Variants in DNAH11 observed in about 807,000 individuals in gnomAD.
DNAH11 encodes the protein dynein axonemal heavy chain 11.
In DNAH11, 442 loss-of-function variants were observed where a neutral mutation model predicts 526.0. The ratio of observed to expected loss-of-function variants is 0.84; its 90% CI spans 0.78 to 0.91. The LOEUF is 0.91. Ranked by LOEUF, DNAH11 falls within the 40% of genes least tolerant of loss-of-function variation. The pLI is 0.00. For synonymous variants in DNAH11, 2,461 were observed against 1,935.9 expected, an observed-to-expected ratio of 1.27 and a Z score of -7.12; for missense variants, 6,989 against 5,448.7, an observed-to-expected ratio of 1.28 and a Z score of -8.90.
rs71557520 is a variant in DNAH11 at position 21,765,610 on chromosome 7, T to TCAGACACACACACACA, written c.9102+23_9102+24insGACACACACACACACA. On this transcript the variant is annotated intron_variant, in intron 55 of 81. Transcript: ENST00000409508. ...TTGAGGTATGCCGTGTCAGCCTGCGTCACACACACACACACACACACACAC... is the reference window on the plus strand; with the variant it reads ...TTGAGGTATGCCGTGTCAGCCTGCGTCAGACACACACACACACACACACACACACACACACACACAC... 2.2e-5 allele frequency: 21 copies of TCAGACACACACACACA among 956,506 alleles called. No homozygotes were observed. The African/African-American group carries it at 3.2e-4, about 14-fold the overall frequency. The allele number at this position is 956,506 out of a possible 1,614,324, so 59.3% of individuals were successfully genotyped here. A position where few individuals can be genotyped will look rare whatever the true frequency, so the allele number is the denominator to read the frequency against.
At chr7:21,745,111 G>C in intron 51 of DNAH11, 48 bp downstream of exon 51, 1 of 1,543,734 alleles carries the variant, frequency 6.5e-7, no homozygotes, top group Non-Finnish European at 8.8e-7. Context: ...AGAATGGCTG[G>C]ATATCCACTA....
chr7:21,616,147 T>C, intron 21 of DNAH11, 62 bp from the exon 22 acceptor site: 1 of 1,227,396 alleles, frequency 8.1e-7, no homozygotes, highest in African/African-American at 1.5e-5. Context: ...TTATATATTT[T>C]GCTGCAGAGA....
chr7:21,689,636 C>G (rs995805116), intron 34 of DNAH11, among the ~76,000 whole-genome samples: 1 of 152,216 alleles, frequency 6.6e-6, no homozygotes. Flanking sequence ...AGCCTGTCTG[C>G]CTTCCCTAGC....
chr7:21,553,841 A>G (rs1480481012), intron 2 of DNAH11, among the ~76,000 whole-genome samples: 2 of 151,942 alleles, frequency 1.3e-5, no homozygotes, highest in Admixed American at 6.6e-5. Context: ...CTCTCTCCCT[A>G]CAAAGACCTT....
chr7:21,687,311 T>G (rs1562490491), intron 33 of DNAH11, 56 bp downstream of exon 33: 6 of 1,557,530 alleles, frequency 3.9e-6, no homozygotes, highest in Non-Finnish European at 5.2e-6. Flanking sequence ...TATTCCTGAT[T>G]GGGAATTATT....
intron 9 of DNAH11, among the ~76,000 whole-genome samples, chr7:21,585,888 A>G (rs575598038): frequency 6.6e-6 from 1 of 152,238 alleles, no homozygotes; most frequent in Admixed American, 6.5e-5. Flanking sequence ...AAAGAGAAGC[A>G]TGTGGTGGGA....
chr7:21,659,561 A>C (rs1782157595), intron 30 of DNAH11, among the ~76,000 whole-genome samples: 1 of 151,986 alleles, frequency 6.6e-6, no homozygotes, highest in Admixed American at 6.6e-5. Flanking sequence ...AACAGTTCAG[A>C]GATGTAGTCT....
intron 73 of DNAH11, among the ~76,000 whole-genome samples, chr7:21,869,885 A>G (rs1161497315): frequency 6.6e-6 from 1 of 152,176 alleles, no homozygotes; most frequent in Non-Finnish European, 1.5e-5. Context: ...GCTGAGTATT[A>G]CAAGAACCAG....
At position 21,901,157 on chromosome 7, in the gene DNAH11, T is replaced by C. The variant is rs1562614615; in HGVS notation, c.13454T>C (p.Leu4485Pro). The C allele has an allele frequency of 6.2e-7, 1 of 1,613,800 alleles. No individual in the cohort carries two copies. The highest frequency in any genetic ancestry group is 8.5e-7 in the Non-Finnish European group (1 of 1,179,822). Residue 4485 changes from leucine to proline, a missense_variant, in exon 82 of 82, where the codon CTG (leucine) becomes CCG (proline). Transcript: ENST00000409508. ...TYECPVYRTK[L>P]RGPSYIWTFR... ...GAGTGCCCTGTGTATAGAACCAAAC[T>C]GAGAGGCCCCAGCTACATCTGGACC...
chr7:21,575,956 G>C (rs1421215587), intron 8 of DNAH11, among the ~76,000 whole-genome samples: 1 of 152,084 alleles, frequency 6.6e-6, no homozygotes, highest in African/African-American at 2.4e-5. Context: ...ATGTCATTTA[G>C]TAGATATCAT....
intron 49 of DNAH11, 55 bp downstream of exon 49, chr7:21,742,221 A>G (rs1286071860): frequency 3.9e-5 from 61 of 1,569,506 alleles, no homozygotes; most frequent in East Asian, 2.2e-4. Context: ...TGATAATACT[A>G]TGTATTAGCC....
At chr7:21,823,665 A>G (rs1340914480) in intron 65 of DNAH11, among the ~76,000 whole-genome samples, 2 of 152,302 alleles carry the variant, frequency 1.3e-5, no homozygotes, top group South Asian at 2.1e-4. Context: ...CATATACTAT[A>G]TGCCTTTAAA....
intron 40 of DNAH11, among the ~76,000 whole-genome samples, chr7:21,708,669 C>T (rs1284934129): frequency 6.6e-6 from 1 of 152,268 alleles, no homozygotes; most frequent in East Asian, 1.9e-4. Context: ...CATTTCCCAC[C>T]ACTTACTATA....
intron 44 of DNAH11, among the ~76,000 whole-genome samples, chr7:21,725,091 A>G (rs908424189): frequency 2.6e-5 from 4 of 152,196 alleles, no homozygotes; most frequent in African/African-American, 4.8e-5. Flanking sequence ...TTATATCTAT[A>G]CTGATATTAA....
At chr7:21,685,365 C>T (rs1783329345) in intron 32 of DNAH11, among the ~76,000 whole-genome samples, 1 of 152,092 alleles carries the variant, frequency 6.6e-6, no homozygotes, top group African/African-American at 2.4e-5. Flanking sequence ...TATGTGAGGC[C>T]TGATAGTTTA....
At chr7:21,718,304 G>T (rs1583623824) in intron 43 of DNAH11, among the ~76,000 whole-genome samples, 1 of 152,082 alleles carries the variant, frequency 6.6e-6, no homozygotes, top group African/African-American at 2.4e-5. Flanking sequence ...GAACAAAGTT[G>T]CAATAGCTTT....
chr7:21,678,111 A>G (rs1782976429), intron 30 of DNAH11, among the ~76,000 whole-genome samples: 2 of 148,098 alleles, frequency 1.4e-5, no homozygotes, highest in South Asian at 4.2e-4. Flanking sequence ...TTTGTTGTCT[A>G]TGTTTTTGGT....
chr7:21,778,744 C>T (rs1465833746), intron 56 of DNAH11, among the ~76,000 whole-genome samples: 1 of 152,122 alleles, frequency 6.6e-6, no homozygotes, highest in Non-Finnish European at 1.5e-5. Context: ...ATATTTCCTG[C>T]AAAATCATTG....
chr7:21,880,175 T>C (rs1169754079), intron 74 of DNAH11, among the ~76,000 whole-genome samples: 3 of 152,044 alleles, frequency 2.0e-5, no homozygotes, highest in African/African-American at 7.2e-5. Context: ...CTGGAAGTTA[T>C]ACACAACACT....
Sources: gnomAD v4.1 joint callset for allele counts (sites outside exome capture counted in the v4.1 genomes callset) on GRCh38, gnomAD v4.1.1 for gene constraint, MANE v1.5 for transcripts, NCBI Gene and HGNC (gene_info 2026-07-23, HGNC 2026-07-21) for gene names.